The following COL22A1 variants were observed in gnomAD, a reference collection of about 807,000 sequenced individuals.
COL22A1 encodes the protein collagen type XXII alpha 1 chain.
COL22A1 carries 221 observed loss-of-function variants against 248.9 expected under a neutral mutation model. The ratio of observed to expected loss-of-function variants is 0.89; its 90% confidence interval spans 0.80 to 0.99. The LOEUF (loss-of-function observed/expected upper bound fraction) is 0.99, where lower values mean the gene tolerates loss of function less well. Ranked by LOEUF, COL22A1 falls within the 50% of genes least tolerant of loss-of-function variation. The probability of loss-of-function intolerance (pLI) is 0.00; values close to 1 mark genes in which losing one functional copy is unlikely to be tolerated. For missense variants in COL22A1, 2,240 were observed against 2,179.0 expected, an observed-to-expected ratio of 1.03 and a Z score of -0.56; for synonymous variants, 891 against 793.4, an observed-to-expected ratio of 1.12 and a Z score of -2.07.
At chr8:138,654,394 G>A (rs774074548) in intron 45 of COL22A1, among the ~76,000 whole-genome samples, 11 of 152,204 alleles carry the variant, frequency 7.2e-5, no homozygotes, top group Non-Finnish European at 1.6e-4. Flanking sequence ...AATAAAAGGT[G>A]TAATTTTCCC....
chr8:138,635,693 C>A (rs1821097233), intron 48 of COL22A1, among the ~76,000 whole-genome samples: 1 of 152,096 alleles, frequency 6.6e-6, no homozygotes, highest in Non-Finnish European at 1.5e-5. Flanking sequence ...CACCAAGAAA[C>A]AAATGATTTC....
intron 39 of COL22A1, among the ~76,000 whole-genome samples, chr8:138,681,333 T>G (rs1348872497): frequency 6.6e-6 from 1 of 152,102 alleles, no homozygotes; most frequent in Non-Finnish European, 1.5e-5. Flanking sequence ...ACTCTGAGCC[T>G]ACCCATCAGT....
intron 63 of COL22A1, among the ~76,000 whole-genome samples, chr8:138,592,487 G>T (rs1290309359): frequency 1.3e-5 from 2 of 152,040 alleles, no homozygotes; most frequent in African/African-American, 4.8e-5. Context: ...CTTTCTTATT[G>T]ACATTTATTT....
At chr8:138,884,803 T>C (rs2132079557) in intron 1 of COL22A1, among the ~76,000 whole-genome samples, 1 of 152,278 alleles carries the variant, frequency 6.6e-6, no homozygotes, top group East Asian at 1.9e-4. Context: ...TGTGTGTATG[T>C]TTCTGTTTCT....
At chr8:138,746,311 G>C (rs1832105036) in intron 22 of COL22A1, among the ~76,000 whole-genome samples, 1 of 152,142 alleles carries the variant, frequency 6.6e-6, no homozygotes, top group South Asian at 2.1e-4. Context: ...GTGATGTTCA[G>C]GAGCTCTTCT....
At chr8:138,802,767 GC>G (rs1817110369) in intron 11 of COL22A1, 104 bp downstream of exon 11, 1 of 877,024 alleles carries the variant, frequency 1.1e-6, no homozygotes, top group Non-Finnish European at 1.9e-6. Context: ...CCTGGCCCCT[GC>G]CAGGTATTCA....
At chr8:138,757,062 C>A (rs1034870648) in intron 18 of COL22A1, among the ~76,000 whole-genome samples, 1 of 152,216 alleles carries the variant, frequency 6.6e-6, no homozygotes, top group Non-Finnish European at 1.5e-5. Flanking sequence ...CACACGAGCA[C>A]ATATTCTCAC....
intron 47 of COL22A1, among the ~76,000 whole-genome samples, chr8:138,639,980 G>A (rs1036061205): frequency 2.0e-5 from 3 of 152,194 alleles, no homozygotes; most frequent in Non-Finnish European, 4.4e-5. Context: ...ATCTAGGAAG[G>A]ACATGCGGTG....
rs537311676 is a variant in COL22A1, at chr8:138,746,545, A to G, written c.2085+4913T>C. ...GAGCTAGCAATATCCAAATGACAGAACACAACCTGAATCAGGGAATCACCT... is the reference window on the plus strand; with the variant it reads ...GAGCTAGCAATATCCAAATGACAGAGCACAACCTGAATCAGGGAATCACCT... On this transcript the variant is annotated intron_variant, in intron 22 of 64. Transcript: ENST00000303045. Among the ~76,000 whole-genome samples the G allele has an allele frequency of 2.0e-4, 31 of 152,324 alleles. No individual in the cohort carries two copies. In the South Asian group the frequency reaches 5.2e-3, roughly 25 times the overall value.
chr8:138,615,749 AGGCCTATCATTTGTACCAATGGAC>A, intron 55 of COL22A1, among the ~76,000 whole-genome samples: 1 of 152,206 alleles, frequency 6.6e-6, no homozygotes, highest in Middle Eastern at 3.4e-3. Flanking sequence ...TGGATCCAAC[AGGCCTATCATTTGTACCAATGGAC>A]AAATCATGAC....
intron 7 of COL22A1, among the ~76,000 whole-genome samples, chr8:138,819,274 A>G (rs1818910466): frequency 6.6e-6 from 1 of 152,182 alleles, no homozygotes; most frequent in Non-Finnish European, 1.5e-5. Context: ...ATTTTGCAGC[A>G]TGTATAACAA....
intron 4 of COL22A1, among the ~76,000 whole-genome samples, chr8:138,837,324 C>T (rs1033519736): frequency 6.6e-6 from 1 of 152,200 alleles, no homozygotes; most frequent in Non-Finnish European, 1.5e-5. Flanking sequence ...AGAGGGAGTC[C>T]TGGGGAGTCC....
chr8:138,613,911 C>CA lies in COL22A1; in HGVS notation c.3933dup (p.Gly1312TrpfsTer92). 1 of 1,613,162 alleles carries CA rather than the reference C, an allele frequency of 6.2e-7. No homozygotes were observed. On this transcript the variant is annotated frameshift_variant, in exon 56 of 65. Transcript: ENST00000303045. LOFTEE classifies it high-confidence loss of function. ...TGGGGACCCTGTGGCCCAGTGGGTC[C>CA]AGTGTCACCCTGGAACAAAGACAGA...
chr8:138,872,826 G>C (rs1396865693), intron 3 of COL22A1, among the ~76,000 whole-genome samples: 1 of 152,190 alleles, frequency 6.6e-6, no homozygotes, highest in Non-Finnish European at 1.5e-5. Flanking sequence ...TGGGGAGGGA[G>C]GTCAGATATG....
intron 22 of COL22A1, among the ~76,000 whole-genome samples, chr8:138,741,364 G>T (rs893066195): frequency 5.3e-5 from 8 of 152,198 alleles, no homozygotes; most frequent in Non-Finnish European, 1.2e-4. Flanking sequence ...AGAATCAAAG[G>T]AATTCTCTGT....
intron 43 of COL22A1, among the ~76,000 whole-genome samples, chr8:138,661,053 C>A (rs55889319): frequency 6.8e-6 from 1 of 146,072 alleles, no homozygotes; most frequent in Non-Finnish European, 1.5e-5. Context: ...CACACACACA[C>A]GCACACACAC....
intron 1 of COL22A1, among the ~76,000 whole-genome samples, chr8:138,895,757 T>G (rs1454696268): frequency 6.6e-6 from 1 of 152,058 alleles, no homozygotes; most frequent in Non-Finnish European, 1.5e-5. Flanking sequence ...TTAAAAGAAA[T>G]AATGGATGGT....
chr8:138,853,466 C>A (rs544547681), intron 3 of COL22A1, among the ~76,000 whole-genome samples: 118 of 152,308 alleles, frequency 7.7e-4, no homozygotes, highest in Non-Finnish European at 1.3e-3. Context: ...ACAGGTCTCT[C>A]TCTTTTTAAA....
intron 3 of COL22A1, among the ~76,000 whole-genome samples, chr8:138,869,741 C>T (rs1166400344): frequency 6.6e-6 from 1 of 152,212 alleles, no homozygotes; most frequent in Non-Finnish European, 1.5e-5. Flanking sequence ...AAGAGGAACT[C>T]CTGGTGACCT....
Sources: allele counts gnomAD v4.1 joint callset (sites outside exome capture counted in the v4.1 genomes callset), GRCh38; gene constraint gnomAD v4.1.1; transcripts MANE v1.5; gene names NCBI Gene and HGNC (gene_info 2026-07-23, HGNC 2026-07-21).